BCL2: variants seen among roughly 807,000 people sequenced by gnomAD.
BCL2 encodes apoptosis regulator Bcl-2.
A neutral mutation model predicts 14.2 loss-of-function variants in BCL2; 1 was observed. That is an observed-to-expected ratio of 0.07 (90% confidence interval 0.02 to 0.33). The LOEUF (loss-of-function observed/expected upper bound fraction) is 0.33, where lower values mean the gene tolerates loss of function less well. Ranked by LOEUF, BCL2 falls within the 10% of genes least tolerant of loss-of-function variation. BCL2 has a pLI of 0.99. For missense variants in BCL2, 247 were observed against 305.9 expected (o/e 0.81, Z 1.44); for synonymous variants, 151 against 137.2 (o/e 1.10, Z -0.70).
intron 2 of BCL2, among the ~76,000 whole-genome samples, chr18:63,187,156 T>C (rs1473020979): frequency 1.3e-5 from 2 of 152,214 alleles, no homozygotes; most frequent in Non-Finnish European, 2.9e-5. Context: ...AGTGTGACTT[T>C]AGGAAGGTGA....
At chr18:63,282,643 A>T (rs1439226052) in intron 2 of BCL2, among the ~76,000 whole-genome samples, 1 of 152,192 alleles carries the variant, frequency 6.6e-6, no homozygotes, top group Middle Eastern at 3.2e-3. Flanking sequence ...AACACCAAAA[A>T]GTCATCAACA....
intron 2 of BCL2, among the ~76,000 whole-genome samples, chr18:63,167,937 A>T (rs8094630): frequency 0.29 from 44,247 of 151,398 alleles, 8,997 homozygotes; most frequent in East Asian, 0.58. Flanking sequence ...AAAAAAAAAA[A>T]AAATAAATAA....
chr18:63,290,426 A>G (rs1017671061), intron 2 of BCL2, among the ~76,000 whole-genome samples: 3 of 152,212 alleles, frequency 2.0e-5, no homozygotes, highest in Admixed American at 2.0e-4. Flanking sequence ...GTATTAAAGG[A>G]ACTTCCCAAC....
intron 2 of BCL2, among the ~76,000 whole-genome samples, chr18:63,214,328 A>T (rs1046094239): frequency 3.3e-5 from 5 of 152,240 alleles, no homozygotes. Flanking sequence ...AGGTGAGACA[A>T]ACGTCCGGTG....
chr18:63,227,418 A>G (rs144338602), intron 2 of BCL2, among the ~76,000 whole-genome samples: 81 of 152,322 alleles, frequency 5.3e-4, no homozygotes, highest in African/African-American at 1.8e-3. Flanking sequence ...CGTATTGCCC[A>G]GGCTAGTCTC....
At chr18:63,273,303 C>G (rs1235855281) in intron 2 of BCL2, among the ~76,000 whole-genome samples, 1 of 152,178 alleles carries the variant, frequency 6.6e-6, no homozygotes, top group African/African-American at 2.4e-5. Context: ...TGCCTTGTGT[C>G]AGCCGACGAA....
Position 63,236,891 on chromosome 18 carries a change from G to A in BCL2, c.585+81191C>T, listed in dbSNP as rs186850842. ...TCTTCTTGTTTAAAATTGAGGAGTA[G>A]ACTACCATCTCGAGGCCAGTGAAAT... On this transcript the variant is annotated intron_variant, in intron 2 of 2. Coordinates refer to ENST00000333681, the MANE Select transcript of BCL2 (RefSeq NM_000633.3). Among the ~76,000 whole-genome samples the A allele has an allele frequency of 3.9e-5, 6 of 152,308 alleles. No individual in the cohort carries two copies. The East Asian group carries it at 1.2e-3, about 29-fold the overall frequency.
chr18:63,213,547 A>ACAAACAC (rs1910108678), intron 2 of BCL2, among the ~76,000 whole-genome samples: 1 of 146,240 alleles, frequency 6.8e-6, no homozygotes, highest in Non-Finnish European at 1.5e-5. Flanking sequence ...CACACACATA[A>ACAAACAC]ACACACACAC....
chr18:63,273,795 T>C (rs558049054), intron 2 of BCL2, among the ~76,000 whole-genome samples: 1 of 152,286 alleles, frequency 6.6e-6, no homozygotes, highest in African/African-American at 2.4e-5. Context: ...CTATACTGCG[T>C]TGTCTGAACT....
chr18:63,158,943 C>G (rs1037857021), intron 2 of BCL2, among the ~76,000 whole-genome samples: 3 of 152,292 alleles, frequency 2.0e-5, no homozygotes, highest in African/African-American at 7.2e-5. Context: ...TTCACGTTAA[C>G]CCCCCATCCC....
chr18:63,198,469 CACACACTG>C (rs1909526727), intron 2 of BCL2, among the ~76,000 whole-genome samples: 1 of 150,374 alleles, frequency 6.7e-6, no homozygotes, highest in African/African-American at 2.4e-5. Context: ...CACACACAGA[CACACACTG>C]ACAGAGACAC....
chr18:63,169,336 C>CCTTT (rs796105554), intron 2 of BCL2, among the ~76,000 whole-genome samples: 846 of 62,080 alleles, frequency 0.014, 85 homozygotes, highest in South Asian at 0.051. Flanking sequence ...TCCTTTCCTT[C>CCTTT]CTTTCTTTCT....
At position 63,303,480 on chromosome 18, in the gene BCL2, A is replaced by G. The variant is rs572923118; in HGVS notation, c.585+14602T>C. On this transcript the variant is annotated intron_variant, in intron 2 of 2. Transcript: ENST00000333681. ...GACTAACTGGCTTCCTAAAGAACCC[A>G]AAAGGTCACATGCATAAAGTTGTTC... 1.4e-4 allele frequency among the ~76,000 whole-genome samples: 22 copies of G among 152,374 alleles called. No individual in the cohort carries two copies. In the South Asian group the frequency reaches 4.3e-3, roughly 30 times the overall value.
At position 63,218,427 on chromosome 18, in the gene BCL2, T is replaced by C. The variant is rs994556342; in HGVS notation, c.586-89668A>G. On this transcript the variant is annotated intron_variant, in intron 2 of 2. Transcript: ENST00000333681. ...AAAAGCTCCTTCTTCCCTTTCTTTTTTTTCTTTCGTTCCTTCCCTTTTTCT... is the reference window on the plus strand; with the variant it reads ...AAAAGCTCCTTCTTCCCTTTCTTTTCTTTCTTTCGTTCCTTCCCTTTTTCT... 2.2e-4 allele frequency among the ~76,000 whole-genome samples: 33 copies of C among 152,218 alleles called. 1 individual carries two copies. The highest frequency in any genetic ancestry group is 8.0e-4 in the African/African-American group (33 of 41,498).
At chr18:63,289,722 C>T (rs531103223) in intron 2 of BCL2, among the ~76,000 whole-genome samples, 91 of 152,136 alleles carry the variant, frequency 6.0e-4, no homozygotes, top group African/African-American at 1.9e-3. Flanking sequence ...GGTGAAACCC[C>T]GCCTCTACTA....
chr18:63,184,253 C>T (rs1915541034), intron 2 of BCL2, among the ~76,000 whole-genome samples: 1 of 152,242 alleles, frequency 6.6e-6, no homozygotes, highest in Non-Finnish European at 1.5e-5. Context: ...TTCTAACTTC[C>T]TGTATTCAGA....
intron 2 of BCL2, among the ~76,000 whole-genome samples, chr18:63,194,338 CTT>C (rs147419261): frequency 1.4e-5 from 2 of 143,984 alleles, no homozygotes; most frequent in Admixed American, 6.9e-5. Context: ...AAACTTTTTT[CTT>C]TTTTTTTTTT....
chr18:63,234,247 C>T (rs1038846417), intron 2 of BCL2, among the ~76,000 whole-genome samples: 1 of 152,254 alleles, frequency 6.6e-6, no homozygotes, highest in East Asian at 1.9e-4. Context: ...CCTCCTCCTG[C>T]CCCCTCCAAT....
Position 63,222,977 on chromosome 18 carries a change from C to G in BCL2, c.586-94218G>C, listed in dbSNP as rs529562440. On this transcript the variant is annotated intron_variant, in intron 2 of 2. Coordinates refer to ENST00000333681, the MANE Select transcript of BCL2 (RefSeq NM_000633.3). The stretch of plus-strand genomic sequence containing the variant: ...GATGGAGAAGCAGTGATAGAATTAA[C>G]AGACAAAGGAAGCTGAATCCTCAGT... 5.3e-5 allele frequency among the ~76,000 whole-genome samples: 8 copies of G among 152,218 alleles called. No individual in the cohort carries two copies. The East Asian group carries it at 1.5e-3, about 29-fold the overall frequency.
Sources: gnomAD v4.1 joint callset for allele counts (sites outside exome capture counted in the v4.1 genomes callset) on GRCh38, gnomAD v4.1.1 for gene constraint, MANE v1.5 for transcripts, NCBI Gene and HGNC (gene_info 2026-07-23, HGNC 2026-07-21) for gene names.